The following ZNF521 variants were observed in gnomAD, a reference collection of about 807,000 sequenced individuals.
ZNF521 encodes LYST-interacting protein 3.
A neutral mutation model predicts 105.5 loss-of-function variants in ZNF521; 14 were observed. The ratio of observed to expected loss-of-function variants is 0.13; its 90% CI spans 0.09 to 0.21. ZNF521 has a LOEUF of 0.21. Ranked by LOEUF, ZNF521 falls within the 10% of genes least tolerant of loss-of-function variation. The pLI is 1.00. For synonymous variants in ZNF521, 635 were observed against 606.0 expected (o/e 1.05, Z -0.70); for missense variants, 1,233 against 1,629.7 (o/e 0.76, Z 4.19).
intron 5 of ZNF521, among the ~76,000 whole-genome samples, chr18:25,174,510 A>T (rs962001821): frequency 2.0e-5 from 3 of 152,168 alleles, no homozygotes; most frequent in Non-Finnish European, 4.4e-5. Flanking sequence ...GGAGACAGCG[A>T]GTGTTTGGAT....
rs527500919 is a variant in ZNF521, at chr18:25,194,546, G to A, written c.3658+614C>T. On this transcript the variant is annotated intron_variant, in intron 5 of 7. Coordinates refer to ENST00000361524, the MANE Select transcript of ZNF521 (RefSeq NM_015461.3). ...TAAATGCAAAATCCTAAAAACAATGGCCTGGAGTAATTTCAGAAATCTTTC... is the reference window on the plus strand; with the variant it reads ...TAAATGCAAAATCCTAAAAACAATGACCTGGAGTAATTTCAGAAATCTTTC... Among the ~76,000 whole-genome samples the A allele has an allele frequency of 1.5e-3, 234 of 151,718 alleles. 1 individual carries two copies. Among genetic ancestry groups the A allele is most frequent in the Non-Finnish European group, 2.8e-3 (192 of 67,698 alleles).
chr18:25,147,614 C>T (rs1226414225), intron 5 of ZNF521, among the ~76,000 whole-genome samples: 2 of 152,054 alleles, frequency 1.3e-5, no homozygotes, highest in African/African-American at 2.4e-5. Flanking sequence ...TTTAAACAAA[C>T]ATCAGTACAA....
chr18:25,086,922 C>T (rs1329705050), intron 7 of ZNF521, among the ~76,000 whole-genome samples: 1 of 152,128 alleles, frequency 6.6e-6, no homozygotes, highest in Non-Finnish European at 1.5e-5. Flanking sequence ...CTTCTGTGGT[C>T]TCCTAAACAC....
intron 3 of ZNF521, among the ~76,000 whole-genome samples, chr18:25,256,659 A>G (rs2144874103): frequency 6.6e-6 from 1 of 152,166 alleles, no homozygotes; most frequent in South Asian, 2.1e-4. Flanking sequence ...CGGGGAAGGG[A>G]TCCCAGAGGC....
chr18:25,169,199 G>C (rs1053056631), intron 5 of ZNF521, among the ~76,000 whole-genome samples: 1 of 152,134 alleles, frequency 6.6e-6, no homozygotes, highest in Non-Finnish European at 1.5e-5. Context: ...GGAACCTACA[G>C]TGGTTTGCAA....
chr18:25,195,479 C>A (rs1210299561), intron 4 of ZNF521, among the ~76,000 whole-genome samples: 1 of 151,420 alleles, frequency 6.6e-6, no homozygotes, highest in African/African-American at 2.4e-5. Flanking sequence ...ATAATTATGG[C>A]ATAATATATT....
chr18:25,264,503 T>C (rs1452254641), intron 3 of ZNF521, among the ~76,000 whole-genome samples: 1 of 152,208 alleles, frequency 6.6e-6, no homozygotes, highest in African/African-American at 2.4e-5. Flanking sequence ...TGATGATAAT[T>C]TGATTCATTT....
rs554161139 is a variant in ZNF521, at chr18:25,179,972, G to T, written c.3658+15188C>A. ...AATCTGAATTAGAATTCTGAAATCA[G>T]TCATGCAAGTTAAGACCTTTGATGT... On this transcript the variant is annotated intron_variant, in intron 5 of 7. Transcript: ENST00000361524. Among the ~76,000 whole-genome samples, 7 of 152,302 alleles carry T rather than the reference G, an allele frequency of 4.6e-5. 1 individual carries two copies. The highest frequency in any genetic ancestry group is 4.6e-4 in the Admixed American group (7 of 15,304).
intron 7 of ZNF521, among the ~76,000 whole-genome samples, chr18:25,076,934 C>G (rs2033376429): frequency 1.3e-5 from 2 of 152,212 alleles, no homozygotes; most frequent in Admixed American, 1.3e-4. Context: ...GGAGAAGAAA[C>G]AGGCAGGCTC....
chr18:25,300,481 A>G (rs1312997865), intron 3 of ZNF521, among the ~76,000 whole-genome samples: 1 of 152,196 alleles, frequency 6.6e-6, no homozygotes, highest in Non-Finnish European at 1.5e-5. Context: ...ATAGTGTATA[A>G]ACAAGAGAAC....
At chr18:25,328,785 C>T (rs772196326) in intron 2 of ZNF521, among the ~76,000 whole-genome samples, 107 of 152,120 alleles carry the variant, frequency 7.0e-4, no homozygotes, top group Non-Finnish European at 1.4e-3. Flanking sequence ...ATCTTCTGAC[C>T]TTGTGATCCA....
At chr18:25,092,188 A>G (rs1261779741) in intron 5 of ZNF521, 107 bp from the exon 6 acceptor site, 1 of 1,257,990 alleles carries the variant, frequency 7.9e-7, no homozygotes. Context: ...ATCACCTAAT[A>G]TACATATGTA....
intron 3 of ZNF521, among the ~76,000 whole-genome samples, chr18:25,248,459 G>A (rs1326205174): frequency 6.6e-6 from 1 of 152,172 alleles, no homozygotes; most frequent in African/African-American, 2.4e-5. Context: ...TTATGCAGTG[G>A]CAGTCTTAAA....
At chr18:25,215,509 G>A (rs1347910893) in intron 4 of ZNF521, among the ~76,000 whole-genome samples, 1 of 152,164 alleles carries the variant, frequency 6.6e-6, no homozygotes, top group Admixed American at 6.6e-5. Context: ...AGTCAAAAAT[G>A]TGAAATGTTT....
In ZNF521 at chr18:25,154,416, A is replaced by G. The variant is rs143201677; in HGVS notation, c.3658+40744T>C. ...ACATCTCAAAATAGGTGAATACCTG[A>G]GTCATTCACCTAGCTCTGATGGGAT... On this transcript the variant is annotated intron_variant, in intron 5 of 7. Transcript: ENST00000361524. Among the ~76,000 whole-genome samples, 53 of 152,276 alleles carry G rather than the reference A, an allele frequency of 3.5e-4. 1 individual carries two copies. Among genetic ancestry groups the G allele is most frequent in the African/African-American group, 1.3e-3 (52 of 41,566 alleles).
At chr18:25,088,377 G>A (rs2033671933) in intron 7 of ZNF521, among the ~76,000 whole-genome samples, 1 of 151,648 alleles carries the variant, frequency 6.6e-6, no homozygotes, top group Non-Finnish European at 1.5e-5. Flanking sequence ...CACTGTGCCT[G>A]GCTAATTTTT....
At chr18:25,282,774 C>G (rs546858620) in intron 3 of ZNF521, among the ~76,000 whole-genome samples, 48 of 152,030 alleles carry the variant, frequency 3.2e-4, no homozygotes, top group Non-Finnish European at 5.4e-4. Flanking sequence ...CCCCTTTAGG[C>G]CTTTACCAGG....
chr18:25,080,211 T>G (rs2033462532), intron 7 of ZNF521, among the ~76,000 whole-genome samples: 1 of 152,326 alleles, frequency 6.6e-6, no homozygotes, highest in African/African-American at 2.4e-5. Flanking sequence ...TTCAATGAAG[T>G]TATCAATGAA....
At chr18:25,295,173 ATTG>A (rs1327129986) in intron 3 of ZNF521, among the ~76,000 whole-genome samples, 2 of 152,074 alleles carry the variant, frequency 1.3e-5, no homozygotes, top group Non-Finnish European at 2.9e-5. Flanking sequence ...CCATTCTTTT[ATTG>A]TTATCACACC....
Sources: gnomAD v4.1 joint callset for allele counts (sites outside exome capture counted in the v4.1 genomes callset) on GRCh38, gnomAD v4.1.1 for gene constraint, MANE v1.5 for transcripts, NCBI Gene and HGNC (gene_info 2026-07-23, HGNC 2026-07-21) for gene names.